The following PRELID2 variants were observed in gnomAD, a reference collection of about 807,000 sequenced individuals.
PRELID2 encodes PRELI domain-containing protein 2.
Under a neutral mutation model 28.4 loss-of-function variants are expected in PRELID2, and 25 were observed. The ratio of observed to expected loss-of-function variants is 0.88; its 90% CI spans 0.64 to 1.23. The LOEUF (loss-of-function observed/expected upper bound fraction) is 1.23. PRELID2 is among the 50% of genes most tolerant of loss of function. The pLI is 0.00. For missense variants in PRELID2, 201 were observed against 214.4 expected (o/e 0.94, Z 0.39); for synonymous variants, 76 against 71.6 (o/e 1.06, Z -0.31).
At chr5:145,653,179 C>G (rs1754330099) in intron 1 of PRELID2, among the ~76,000 whole-genome samples, 1 of 152,202 alleles carries the variant, frequency 6.6e-6, no homozygotes, top group Admixed American at 6.5e-5. Flanking sequence ...GTAAAGGGAT[C>G]AATTCAACAA....
chr5:145,422,557 C>T, the PRELID2 span, among the ~76,000 whole-genome samples: 2 of 151,680 alleles, frequency 1.3e-5, no homozygotes, highest in South Asian at 2.1e-4. Flanking sequence ...GATTGCAACC[C>T]CTGCCTTTTT....
At chr5:145,617,493 C>A (rs1168602027) in intron 1 of PRELID2, among the ~76,000 whole-genome samples, 1 of 152,170 alleles carries the variant, frequency 6.6e-6, no homozygotes, top group Non-Finnish European at 1.5e-5. Context: ...TTCCTGACTT[C>A]CCTCAACAGG....
rs535636385 is a variant in PRELID2, at chr5:145,758,176, T to A, written c.*2360A>T. 2.7e-3 allele frequency among the ~76,000 whole-genome samples: 408 copies of A among 152,150 alleles called. 2 individuals carry two copies. The highest frequency in any genetic ancestry group is 9.0e-3 in the African/African-American group (375 of 41,504). On this transcript the variant is annotated 3_prime_UTR_variant, in exon 7 of 7. Coordinates refer to ENST00000683046, the MANE Select transcript of PRELID2 (RefSeq NM_205846.3). ...ATAAAAAACTAGGAGATTTTTTTTT[T>A]AATTCTGTCTTTTCTTAGAAAATTG... is the stretch of plus-strand genomic sequence containing the variant.
At chr5:145,576,672 A>G (rs1753063219) in intron 1 of PRELID2, among the ~76,000 whole-genome samples, 1 of 115,682 alleles carries the variant, frequency 8.6e-6, no homozygotes, top group South Asian at 3.1e-4. Flanking sequence ...TTATAGCACA[A>G]TAGTAAAAAA....
the PRELID2 span, among the ~76,000 whole-genome samples, chr5:145,299,553 T>C: frequency 1.6e-4 from 25 of 152,148 alleles, no homozygotes; most frequent in African/African-American, 6.0e-4. Flanking sequence ...ACTGTGTATG[T>C]CCTGACACCT....
intron 1 of PRELID2, among the ~76,000 whole-genome samples, chr5:145,676,220 C>CAAAAAA (rs34833967): frequency 7.5e-5 from 4 of 53,588 alleles, no homozygotes; most frequent in Non-Finnish European, 1.7e-4. Context: ...AACTCCATCT[C>CAAAAAA]AAAAAAAAAA....
At chr5:145,449,154 C>T in the PRELID2 span, among the ~76,000 whole-genome samples, 1 of 152,236 alleles carries the variant, frequency 6.6e-6, no homozygotes, top group Admixed American at 6.5e-5. Flanking sequence ...GGAAGGAGAA[C>T]ATCTCTTTCT....
Position 145,695,196 on chromosome 5 carries a change from G to T in PRELID2, n.70+69735C>A, listed in dbSNP as rs112933894. On this transcript the variant is annotated intron_variant and non_coding_transcript_variant, in intron 1 of 2. Transcript: ENST00000510259. ...CAGGGAGGGGAGCTACCCCTTTAGA[G>T]CAGTTGGAGATGCTCTCTCTGTAGA... Among the ~76,000 whole-genome samples the T allele has an allele frequency of 8.1e-3, 1,238 of 152,326 alleles. 14 individuals are homozygous for T. The highest frequency in any genetic ancestry group is 0.028 in the African/African-American group (1,175 of 41,566).
chr5:145,833,537 T>A (rs978138877), intron 1 of PRELID2, among the ~76,000 whole-genome samples: 17 of 152,186 alleles, frequency 1.1e-4, no homozygotes, highest in African/African-American at 4.1e-4. Context: ...TTGCTCAGGT[T>A]TTTATTAAAT....
intron 1 of PRELID2, among the ~76,000 whole-genome samples, chr5:145,612,176 A>G (rs1753626616): frequency 6.6e-6 from 1 of 152,224 alleles, no homozygotes; most frequent in African/African-American, 2.4e-5. Context: ...AGAGGAAGAA[A>G]ATTAATTTCT....
chr5:145,833,355 T>C (rs1412678814), intron 1 of PRELID2, among the ~76,000 whole-genome samples: 2 of 152,266 alleles, frequency 1.3e-5, no homozygotes, highest in African/African-American at 2.4e-5. Context: ...CTCTTGATGA[T>C]GACAATCCAA....
At chr5:145,818,993 T>A (rs747720146) in intron 3 of PRELID2, among the ~76,000 whole-genome samples, 1 of 152,098 alleles carries the variant, frequency 6.6e-6, no homozygotes, top group Non-Finnish European at 1.5e-5. Context: ...CCCATGATAG[T>A]GAATAAGTCT....
At chr5:145,270,679 G>T in the PRELID2 span, among the ~76,000 whole-genome samples, 1 of 151,982 alleles carries the variant, frequency 6.6e-6, no homozygotes, top group Admixed American at 6.6e-5. Flanking sequence ...GGCATACCTT[G>T]TTATAAAGAA....
At chr5:145,662,908 C>T (rs1754522251) in intron 1 of PRELID2, among the ~76,000 whole-genome samples, 1 of 152,096 alleles carries the variant, frequency 6.6e-6, no homozygotes, top group South Asian at 2.1e-4. Context: ...CAACAGAAGA[C>T]AGACCAAGAC....
intron 1 of PRELID2, among the ~76,000 whole-genome samples, chr5:145,834,329 A>T (rs1477578476): frequency 6.7e-6 from 1 of 149,778 alleles, no homozygotes; most frequent in Non-Finnish European, 1.5e-5. Context: ...AACTGGTTAA[A>T]GGCATTTTGT....
At chr5:145,452,847 C>T in the PRELID2 span, among the ~76,000 whole-genome samples, 2 of 152,244 alleles carry the variant, frequency 1.3e-5, no homozygotes, top group East Asian at 1.9e-4. Context: ...GGGGCAAACA[C>T]ATCAATGCCA....
the PRELID2 span, among the ~76,000 whole-genome samples, chr5:145,388,046 A>T: frequency 1.3e-5 from 2 of 152,150 alleles, no homozygotes; most frequent in Non-Finnish European, 2.9e-5. Context: ...ACAGAATTCC[A>T]AACAGTTAGT....
chr5:145,409,804 T>C, the PRELID2 span, among the ~76,000 whole-genome samples: 2 of 146,894 alleles, frequency 1.4e-5, no homozygotes, highest in African/African-American at 2.5e-5. Flanking sequence ...AAAAGATTCA[T>C]CCAACAGGAA....
chr5:145,505,178 A>T (rs377258978), intron 1 of PRELID2, among the ~76,000 whole-genome samples: 1 of 152,188 alleles, frequency 6.6e-6, no homozygotes, highest in Non-Finnish European at 1.5e-5. Context: ...CTCTGATTCA[A>T]TAGATTTCTA....
Sources: allele counts gnomAD v4.1 joint callset (sites outside exome capture counted in the v4.1 genomes callset), GRCh38; gene constraint gnomAD v4.1.1; transcripts MANE v1.5; gene names NCBI Gene and HGNC (gene_info 2026-07-23, HGNC 2026-07-21).